SLC9A6: variants seen among roughly 807,000 people sequenced by gnomAD.
SLC9A6 encodes solute carrier family 9 member A6.
Under a neutral mutation model 45.3 loss-of-function variants are expected in SLC9A6, and 6 were observed. That is an observed-to-expected ratio of 0.13 (90% CI 0.07 to 0.26). SLC9A6 has a LOEUF of 0.26. Among genes scored for constraint, SLC9A6 ranks in the 10% least tolerant of loss-of-function variants. The pLI is 1.00. For synonymous variants in SLC9A6, 191 were observed against 187.7 expected (o/e 1.02, Z -0.14); for missense variants, 278 against 503.7 (o/e 0.55, Z 4.29).
At chrX:136,013,782 G>A (rs1031357471) in intron 10 of SLC9A6, among the ~76,000 whole-genome samples, 1 of 112,139 alleles carries the variant, frequency 8.9e-6, no homozygotes, top group Non-Finnish European at 1.9e-5. Flanking sequence ...GCTGTGTGAC[G>A]TAGATAAGGT....
chrX:136,014,484 G>T (rs1449570636), intron 10 of SLC9A6, among the ~76,000 whole-genome samples: 1 of 112,902 alleles, frequency 8.9e-6, no homozygotes, highest in South Asian at 3.6e-4. Flanking sequence ...ACAAGAACAG[G>T]CCGGGCGCTG....
chrX:135,982,218 G>A (rs1200321091), upstream of SLC9A6, among the ~76,000 whole-genome samples: 2 of 110,781 alleles, frequency 1.8e-5, no homozygotes, highest in Non-Finnish European at 3.8e-5. Flanking sequence ...GGATGGGAGT[G>A]CAGAGAATGC....
At chrX:136,026,128 C>T (rs2071221947) in intron 13 of SLC9A6, among the ~76,000 whole-genome samples, 1 of 112,096 alleles carries the variant, frequency 8.9e-6, no homozygotes, top group African/African-American at 3.2e-5. Flanking sequence ...TAGGTTACTT[C>T]TTATTGCCTT....
At chrX:136,013,530 T>A in intron 10 of SLC9A6, 93 bp downstream of exon 10, 1 of 608,291 alleles carries the variant, frequency 1.6e-6, no homozygotes, top group South Asian at 2.6e-5. Flanking sequence ...GTCTTTGATC[T>A]GTTCAAGATG....
chrX:136,013,121 CA>C, intron 9 of SLC9A6, 67 bp downstream of exon 9: 1 of 810,580 alleles, frequency 1.2e-6, no homozygotes, highest in Non-Finnish European at 1.9e-6. Context: ...AATTTTGCTC[CA>C]AGTGGATCAG....
At chrX:136,023,163 GTA>G (rs35106450) in intron 12 of SLC9A6, among the ~76,000 whole-genome samples, 28 of 24,994 alleles carry the variant, frequency 1.1e-3, no homozygotes, top group Middle Eastern at 0.059. Flanking sequence ...AAAAGAAAAT[GTA>G]TATATATATA....
At chrX:135,988,514 C>T (rs1486914096) in intron 2 of SLC9A6, among the ~76,000 whole-genome samples, 2 of 84,468 alleles carry the variant, frequency 2.4e-5, no homozygotes, top group African/African-American at 8.9e-5. Context: ...TTCTTTCTTT[C>T]TCTCTCTTTC....
intron 13 of SLC9A6, 64 bp downstream of exon 13, chrX:136,024,547 T>C (rs1556620372): frequency 9.9e-7 from 1 of 1,009,426 alleles, no homozygotes; most frequent in East Asian, 3.0e-5. Context: ...TTTCTGCCTG[T>C]TTTCAATTTT....
At position 136,020,615 on chromosome X, in the gene SLC9A6, C is replaced by T. The variant is rs374582972; in HGVS notation, c.1195-1971C>T. On this transcript the variant is annotated intron_variant, in intron 11 of 17. Transcript: ENST00000630721. ...TGAACTCCTGACCTCAAGTGATCTGCGCCTCTCAGCCTCCCAAAGTGCTGG... is the reference window on the plus strand; with the variant it reads ...TGAACTCCTGACCTCAAGTGATCTGTGCCTCTCAGCCTCCCAAAGTGCTGG... 1.4e-3 allele frequency among the ~76,000 whole-genome samples: 154 copies of T among 112,152 alleles called. 4 individuals carry two copies. The South Asian group carries it at 0.048, about 35-fold the overall frequency.
chrX:135,998,548 T>C lies in SLC9A6; in HGVS notation c.514T>C (p.Phe172Leu), dbSNP rs1556616930. The change falls in exon 5 of 18, where the codon TTC becomes CTC. Residue 172 changes from phenylalanine (F) to leucine (L), a missense_variant. Physicochemically the swap from Phe to Leu is conservative, Grantham distance 22. Around this residue, in one of 5 missense-constraint regions of SLC9A6, gnomAD observed 118 missense variants for 209.9 expected, o/e 0.56. Transcript: ENST00000630721. ...TTTTCTTGGAACAGCAATTTCTTGTTTCGTTATTGGGTAAGTATTTTAAGC... is the reference window on the plus strand; with the variant it reads ...TTTTCTTGGAACAGCAATTTCTTGTCTCGTTATTGGGTAAGTATTTTAAGC... Reference protein sequence around the residue: ...YAFLGTAISCFVIGSIMYGCV... With the variant: ...YAFLGTAISCLVIGSIMYGCV... The C allele has an allele frequency of 6.8e-6, 8 of 1,169,596 alleles. No homozygotes were observed. Among genetic ancestry groups the C allele is most frequent in the Non-Finnish European group, 9.3e-6 (8 of 862,708 alleles).
chrX:136,014,383 G>A (rs1207650865), intron 10 of SLC9A6, among the ~76,000 whole-genome samples: 2 of 111,154 alleles, frequency 1.8e-5, no homozygotes, highest in East Asian at 5.6e-4. Flanking sequence ...AATTAATTCA[G>A]TGCAATAAGT....
intron 8 of SLC9A6, among the ~76,000 whole-genome samples, chrX:136,011,068 G>A (rs1281825441): frequency 2.7e-5 from 3 of 111,786 alleles, no homozygotes; most frequent in Non-Finnish European, 5.6e-5. Flanking sequence ...TAGAGCCCTG[G>A]ACGGGAAGCC....
chrX:136,008,636 A>G (rs2148167020), intron 7 of SLC9A6, among the ~76,000 whole-genome samples: 1 of 112,559 alleles, frequency 8.9e-6, no homozygotes, highest in African/African-American at 3.2e-5. Context: ...ATTAGCATGC[A>G]TGTAACACAA....
chrX:135,973,844 A>G, upstream of SLC9A6: 29 of 1,161,927 alleles, frequency 2.5e-5, no homozygotes, highest in Non-Finnish European at 3.2e-5. Flanking sequence ...CGGAAACAGG[A>G]ATGCCGGGAA....
intron 3 of SLC9A6, among the ~76,000 whole-genome samples, chrX:135,996,597 T>C (rs2089500673): frequency 8.9e-6 from 1 of 111,818 alleles, no homozygotes. Flanking sequence ...AAATCTGAGC[T>C]GTACAGAAAC....
At chrX:136,020,616 G>A (rs183463381) in intron 11 of SLC9A6, among the ~76,000 whole-genome samples, 8 of 111,763 alleles carry the variant, frequency 7.2e-5, no homozygotes, top group East Asian at 5.6e-4. Context: ...AGTGATCTGC[G>A]CCTCTCAGCC....
upstream of SLC9A6, among the ~76,000 whole-genome samples, chrX:135,984,624 ACTGTC>A (rs2089305660): frequency 8.9e-6 from 1 of 111,869 alleles, no homozygotes; most frequent in South Asian, 3.8e-4. Context: ...GAAAAAAAAT[ACTGTC>A]CTGAGGAATA....
intron 7 of SLC9A6, among the ~76,000 whole-genome samples, chrX:136,005,344 C>G (rs782352146): frequency 4.4e-4 from 50 of 112,499 alleles, no homozygotes; most frequent in Non-Finnish European, 1.7e-4. Flanking sequence ...AGATTTTAAG[C>G]TTGGGGGTGT....
intron 7 of SLC9A6, among the ~76,000 whole-genome samples, chrX:136,003,558 C>G (rs1227288575): frequency 8.9e-6 from 1 of 111,798 alleles, no homozygotes; most frequent in Non-Finnish European, 1.9e-5. Flanking sequence ...TTTGCTGTCC[C>G]AAAAGGTGCT....
Sources: gnomAD v4.1 joint callset for allele counts (sites outside exome capture counted in the v4.1 genomes callset) on GRCh38, gnomAD v4.1.1 for gene constraint, gnomAD v4.1.1 regional missense constraint, MANE v1.5 for transcripts, NCBI Gene and HGNC (gene_info 2026-07-23, HGNC 2026-07-21) for gene names.